Variants in IPO7 observed in about 807,000 individuals in gnomAD.
IPO7 encodes importin-7.
A neutral mutation model predicts 136.4 loss-of-function variants in IPO7; 13 were observed. That is an observed-to-expected ratio of 0.10 (90% CI 0.06 to 0.15). The LOEUF (loss-of-function observed/expected upper bound fraction) is 0.15, where lower values mean the gene tolerates loss of function less well. Among genes scored for constraint, IPO7 ranks in the 10% least tolerant of loss-of-function variants. The pLI, the probability that IPO7 is intolerant of heterozygous loss-of-function variation, is 1.00. For missense variants in IPO7, 857 were observed against 1,240.6 expected (o/e 0.69, Z 4.65); for synonymous variants, 403 against 404.4 (o/e 1.00, Z 0.04).
At chr11:9,417,175 T>G in intron 6 of IPO7, 27 bp downstream of exon 6, 1 of 922,072 alleles carries the variant, frequency 1.1e-6, no homozygotes, top group Non-Finnish European at 1.7e-6. Flanking sequence ...TCTCTTATAT[T>G]ACTAAATGTA....
intron 1 of IPO7, among the ~76,000 whole-genome samples, chr11:9,386,912 AAC>A (rs1854559190): frequency 6.6e-6 from 1 of 152,216 alleles, no homozygotes; most frequent in South Asian, 2.1e-4. Flanking sequence ...TTTCAATTAT[AAC>A]ACCTAGATTT....
At chr11:9,428,463 A>G (rs574380305) in intron 12 of IPO7, 77 bp from the exon 13 acceptor site, 5 of 596,926 alleles carry the variant, frequency 8.4e-6, no homozygotes, top group East Asian at 5.4e-5. Context: ...GTCATTTTTA[A>G]TAGTGTTATA....
chr11:9,408,487 T>C lies in IPO7; in HGVS notation c.168T>C (p.Gly56=). The C allele has an allele frequency of 6.5e-7, 1 of 1,550,164 alleles. No homozygotes were observed. Among genetic ancestry groups the C allele is most frequent in the South Asian group, 1.2e-5 (1 of 81,444 alleles). ...TTGTCAAACTGATCTGTATTTTAGG[T>C]GTTATCTATCTGAAAAATATGATAA... ...EQLDLPVRQA[G]VIYLKNMITQ... The change falls in exon 3 of 25, where the codon GGT becomes GGC. Residue 56 remains glycine (G), a splice_region_variant and synonymous_variant. Transcript: ENST00000379719.
intron 1 of IPO7, among the ~76,000 whole-genome samples, chr11:9,401,995 G>A (rs184196420): frequency 2.6e-5 from 4 of 152,244 alleles, no homozygotes; most frequent in African/African-American, 7.2e-5. Flanking sequence ...TATTGATTTC[G>A]TATGTGTCTG....
At chr11:9,434,364 A>G (rs979607036) in intron 18 of IPO7, among the ~76,000 whole-genome samples, 3 of 133,598 alleles carry the variant, frequency 2.2e-5, no homozygotes, top group Non-Finnish European at 5.3e-5. Context: ...GTTAACACAG[A>G]TACATACCCA....
At chr11:9,424,851 G>GT in intron 10 of IPO7, 63 bp from the exon 11 acceptor site, 1 of 1,070,460 alleles carries the variant, frequency 9.3e-7, no homozygotes, top group Non-Finnish European at 1.4e-6. Context: ...GATTAAGCAT[G>GT]TTTTTTAATG....
chr11:9,417,656 G>T (rs10840235), intron 6 of IPO7, among the ~76,000 whole-genome samples: 78,210 of 151,166 alleles, frequency 0.52, 22,157 homozygotes, highest in Non-Finnish European at 0.64. Flanking sequence ...TGTGTTATTT[G>T]TATAATCAAA....
chr11:9,406,175 C>T (rs1379767152), intron 2 of IPO7, among the ~76,000 whole-genome samples: 3 of 122,218 alleles, frequency 2.5e-5, no homozygotes, highest in African/African-American at 6.3e-5. Context: ...CTGGTTTCGG[C>T]TTCCAAAGTA....
At chr11:9,402,135 C>A (rs1226268526) in intron 1 of IPO7, among the ~76,000 whole-genome samples, 1 of 152,122 alleles carries the variant, frequency 6.6e-6, no homozygotes, top group Non-Finnish European at 1.5e-5. Flanking sequence ...GGCATGGTGC[C>A]TCGTGCCTGT....
At chr11:9,389,397 G>A (rs901380041) in intron 1 of IPO7, among the ~76,000 whole-genome samples, 3 of 152,240 alleles carry the variant, frequency 2.0e-5, no homozygotes, top group South Asian at 2.1e-4. Context: ...TACTCATTCC[G>A]AAGGATAATT....
chr11:9,390,738 C>G (rs978990427), intron 1 of IPO7, among the ~76,000 whole-genome samples: 1 of 131,944 alleles, frequency 7.6e-6, no homozygotes, highest in Non-Finnish European at 1.7e-5. Context: ...GATCGCTCGT[C>G]CAGGAGTTTG....
Position 9,414,313 on chromosome 11 carries a change from G to A in IPO7, c.538G>A (p.Val180Ile), listed in dbSNP as rs1825995042. ...LVAAMQHFLPVLKDRFIQLLS... is the reference protein window; with the variant it reads ...LVAAMQHFLPILKDRFIQLLS... The stretch of plus-strand genomic sequence containing the variant: ...AGCAGCAATGCAGCATTTTCTGCCA[G>A]TTCTAAAGGATCGTTTTATCCAGCT... The change falls in exon 5 of 25, where the codon GTT (valine) becomes ATT (isoleucine). Residue 180 changes from valine to isoleucine, a missense_variant. Physicochemically the swap from Val to Ile is conservative, Grantham distance 29. Around this residue, in one of 11 missense-constraint regions of IPO7, gnomAD observed 287 missense variants for 307.5 expected, o/e 0.93. Coordinates refer to ENST00000379719, the MANE Select transcript of IPO7 (RefSeq NM_006391.3). 1 of 1,613,372 alleles carries A rather than the reference G, an allele frequency of 6.2e-7. No individual in the cohort carries two copies. Among genetic ancestry groups the A allele is most frequent in the African/African-American group, 1.3e-5 (1 of 74,904 alleles).
At chr11:9,443,132 G>T (rs890262462) in intron 24 of IPO7, among the ~76,000 whole-genome samples, 1 of 151,878 alleles carries the variant, frequency 6.6e-6, no homozygotes, top group East Asian at 1.9e-4. Flanking sequence ...GAACCCAGGA[G>T]GCAGAGGTTG....
intron 12 of IPO7, among the ~76,000 whole-genome samples, chr11:9,427,063 T>C (rs889496160): frequency 5.9e-5 from 9 of 152,274 alleles, no homozygotes; most frequent in African/African-American, 2.2e-4. Flanking sequence ...TTGGCCAGGC[T>C]GGTCTCAAAC....
rs774196351 is a variant in IPO7, at chr11:9,442,208, T to G, written c.3019+11T>G. ...GAAGAGCAGCCCATGGTATGTTAAT[T>G]AACTGTAACTCCTCTTTAATTAGTG... On this transcript the variant is annotated intron_variant, in intron 24 of 24. Transcript: ENST00000379719. 1.1e-5 allele frequency: 13 copies of G among 1,171,302 alleles called. No homozygotes were observed. In the Admixed American group the frequency reaches 2.3e-4, roughly 21 times the overall value. 72.6% of individuals were successfully genotyped at this position (1,171,302 alleles called of 1,614,324 possible).
At chr11:9,397,361 T>TATATATATATATATATTA (rs377148636) in intron 1 of IPO7, among the ~76,000 whole-genome samples, 471 of 41,944 alleles carry the variant, frequency 0.011, 29 homozygotes, top group African/African-American at 0.03. Flanking sequence ...TATATATATA[T>TATATATATATATATATTA]ATATTAGTCG....
At chr11:9,400,227 G>T (rs193222553) in intron 1 of IPO7, among the ~76,000 whole-genome samples, 2 of 152,040 alleles carry the variant, frequency 1.3e-5, no homozygotes, top group East Asian at 3.9e-4. Flanking sequence ...TTCCATCTGT[G>T]GTTGGTTGAA....
At position 9,384,952 on chromosome 11, in the gene IPO7, C is replaced by T; in HGVS notation, c.84+105C>T. The T allele has an allele frequency of 3.6e-6, 3 of 840,508 alleles. No homozygotes were observed. In the South Asian group the frequency reaches 4.8e-5, roughly 13 times the overall value. 52.1% of individuals were successfully genotyped at this position (840,508 alleles called of 1,614,324 possible). A position where few individuals can be genotyped will look rare whatever the true frequency, so the allele number is the denominator to read the frequency against. ...AGGCGCGGACGACGTCGTTGAGGGT[C>T]CCAGCAGGAGGGTGGGGCGGACATC... On this transcript the variant is annotated intron_variant, in intron 1 of 24. Transcript: ENST00000379719.
At chr11:9,436,813 C>G (rs375353565) in intron 20 of IPO7, among the ~76,000 whole-genome samples, 2 of 124,772 alleles carry the variant, frequency 1.6e-5, no homozygotes, top group Non-Finnish European at 3.2e-5. Flanking sequence ...GCTGGGATTA[C>G]AGGTATACAC....
Sources: gnomAD v4.1 joint callset for allele counts (sites outside exome capture counted in the v4.1 genomes callset) on GRCh38, gnomAD v4.1.1 for gene constraint, gnomAD v4.1.1 regional missense constraint, MANE v1.5 for transcripts, NCBI Gene and HGNC (gene_info 2026-07-23, HGNC 2026-07-21) for gene names.